The following SUFU variants were observed in gnomAD, a reference collection of about 807,000 sequenced individuals.
The protein encoded by SUFU is suppressor of fused homolog.
SUFU carries 7 observed loss-of-function variants against 58.9 expected under a neutral mutation model. The ratio of observed to expected loss-of-function variants is 0.12; its 90% confidence interval spans 0.07 to 0.22. The LOEUF (loss-of-function observed/expected upper bound fraction) is 0.22, where lower values mean the gene tolerates loss of function less well. Among genes scored for constraint, SUFU ranks in the 10% least tolerant of loss-of-function variants. The pLI is 1.00. For synonymous variants in SUFU, 232 were observed against 254.8 expected, an observed-to-expected ratio of 0.91 and a Z score of 0.85; for missense variants, 451 against 641.3, an observed-to-expected ratio of 0.70 and a Z score of 3.20.
chr10:102,508,301 G>A (rs974984816), intron 1 of SUFU, among the ~76,000 whole-genome samples: 6 of 152,096 alleles, frequency 3.9e-5, no homozygotes, highest in African/African-American at 1.4e-4. Flanking sequence ...AAAAAGCACT[G>A]ATTACTAAAG....
intron 8 of SUFU, among the ~76,000 whole-genome samples, chr10:102,604,445 C>T (rs1018064515): frequency 6.6e-6 from 1 of 152,228 alleles, no homozygotes; most frequent in African/African-American, 2.4e-5. Flanking sequence ...AAGTCACGGC[C>T]ATTGTTAACA....
chr10:102,508,322 T>C (rs114400106), intron 1 of SUFU, among the ~76,000 whole-genome samples: 1 of 152,282 alleles, frequency 6.6e-6, no homozygotes, highest in African/African-American at 2.4e-5. Context: ...GGAACTCTTA[T>C]TGTATTAAAT....
At chr10:102,505,887 TTGTTGTCA>T (rs1455632842) in intron 1 of SUFU, among the ~76,000 whole-genome samples, 1 of 151,986 alleles carries the variant, frequency 6.6e-6, no homozygotes, top group Non-Finnish European at 1.5e-5. Context: ...TGTGATGAAC[TTGTTGTCA>T]TGTGTCAGGA....
At chr10:102,595,512 CCT>C (rs1462816575) in intron 6 of SUFU, among the ~76,000 whole-genome samples, 2 of 152,176 alleles carry the variant, frequency 1.3e-5, no homozygotes, top group Non-Finnish European at 2.9e-5. Context: ...TTGTTTGGCC[CCT>C]GTCATAAGTG....
At chr10:102,546,285 T>C (rs1590015781) in intron 2 of SUFU, among the ~76,000 whole-genome samples, 3 of 152,188 alleles carry the variant, frequency 2.0e-5, no homozygotes, top group East Asian at 3.9e-4. Context: ...GAGAGTCTTA[T>C]CTCATCCTTC....
chr10:102,610,603 A>T (rs976626912), intron 8 of SUFU, among the ~76,000 whole-genome samples: 1 of 152,152 alleles, frequency 6.6e-6, no homozygotes, highest in East Asian at 1.9e-4. Flanking sequence ...TTGGATGAGC[A>T]TACCCAAAGA....
chr10:102,619,364 C>T lies in SUFU; in HGVS notation c.1296+1936C>T. 7.1e-7 allele frequency: 1 copy of T among 1,415,488 alleles called. No individual in the cohort carries two copies. The allele number at this position is 1,415,488 out of a possible 1,614,324, so 87.7% of individuals were successfully genotyped here. Reference sequence around the variant, plus strand: ...ACCCGCTGGCTCCCCAGCACATGGTCCCCTCCCATGGGCTGTTGCCCAGGG... The same window carrying T: ...ACCCGCTGGCTCCCCAGCACATGGTTCCCTCCCATGGGCTGTTGCCCAGGG... On this transcript the variant is annotated intron_variant, in intron 10 of 11. Coordinates refer to ENST00000369902, the MANE Select transcript of SUFU (RefSeq NM_016169.4). This position sits in a 1 kb window ranked among gnomAD's most constrained non-coding sequence, Gnocchi z 4.2.
chr10:102,605,535 T>C (rs1325571434), intron 8 of SUFU, among the ~76,000 whole-genome samples: 1 of 152,206 alleles, frequency 6.6e-6, no homozygotes, highest in East Asian at 1.9e-4. Context: ...CATTTGGTTA[T>C]TGGTGTTTAC....
intron 2 of SUFU, among the ~76,000 whole-genome samples, chr10:102,538,789 G>C (rs758992555): frequency 3.3e-5 from 5 of 152,164 alleles, no homozygotes; most frequent in Admixed American, 6.6e-5. Context: ...ATGTAGATAA[G>C]AAGAGAAGTA....
intron 8 of SUFU, among the ~76,000 whole-genome samples, chr10:102,611,742 T>G (rs1341897012): frequency 6.6e-6 from 1 of 152,238 alleles, no homozygotes; most frequent in African/African-American, 2.4e-5. Flanking sequence ...AATGACCTAT[T>G]GTTATTTATT....
At chr10:102,584,924 A>G (rs1300768188) in intron 3 of SUFU, among the ~76,000 whole-genome samples, 1 of 152,166 alleles carries the variant, frequency 6.6e-6, no homozygotes, top group African/African-American at 2.4e-5. Context: ...TCCTTTTCTC[A>G]TTTGTAGAAA....
intron 2 of SUFU, among the ~76,000 whole-genome samples, chr10:102,541,143 C>A (rs1238762978): frequency 6.6e-6 from 1 of 152,032 alleles, no homozygotes; most frequent in Admixed American, 6.6e-5. Context: ...CATTTTCTCC[C>A]TCCTCATTGA....
In SUFU at chr10:102,619,359, A is replaced by G. The variant is rs1358592767; in HGVS notation, c.1296+1931A>G. 1.1e-5 allele frequency: 15 copies of G among 1,415,302 alleles called. No individual in the cohort carries two copies. Among genetic ancestry groups the G allele is most frequent in the Non-Finnish European group, 1.4e-5 (15 of 1,086,804 alleles). 87.7% of individuals were successfully genotyped at this position (1,415,302 alleles called of 1,614,324 possible). A position where few individuals can be genotyped will look rare whatever the true frequency, so the allele number is the denominator to read the frequency against. ...CCAGCACCCGCTGGCTCCCCAGCAC[A>G]TGGTCCCCTCCCATGGGCTGTTGCC... is the stretch of plus-strand genomic sequence containing the variant. On this transcript the variant is annotated intron_variant, in intron 10 of 11. Transcript: ENST00000369902. This position sits in a 1 kb window ranked among gnomAD's most constrained non-coding sequence, Gnocchi z 4.2.
chr10:102,555,573 G>C (rs1007680295), intron 3 of SUFU, among the ~76,000 whole-genome samples: 1 of 152,202 alleles, frequency 6.6e-6, no homozygotes, highest in African/African-American at 2.4e-5. Flanking sequence ...GATTTATGTA[G>C]TTGCCTGTGA....
rs1386504573 is a variant in SUFU, at chr10:102,629,850, T to G, written c.1366-216T>G. Among the ~76,000 whole-genome samples, 2 of 152,102 alleles carry G rather than the reference T, an allele frequency of 1.3e-5. No individual in the cohort carries two copies. Among genetic ancestry groups the G allele is most frequent in the Non-Finnish European group, 2.9e-5 (2 of 68,012 alleles). On this transcript the variant is annotated intron_variant, in intron 11 of 11. Coordinates refer to ENST00000369902, the MANE Select transcript of SUFU (RefSeq NM_016169.4). The surrounding 1 kb of genome is among the most constrained non-coding windows in gnomAD (Gnocchi z 4.7). Reference sequence around the variant, plus strand: ...AGAAAACGCCCTCCTCCAACCTGCCTCATTATTGACAGGCCGTGGGGAAAG... The same window carrying G: ...AGAAAACGCCCTCCTCCAACCTGCCGCATTATTGACAGGCCGTGGGGAAAG...
intron 3 of SUFU, among the ~76,000 whole-genome samples, chr10:102,587,484 C>T (rs867306732): frequency 6.6e-6 from 1 of 152,080 alleles, no homozygotes; most frequent in Non-Finnish European, 1.5e-5. Context: ...GTATTGTTTA[C>T]AGCACAAACA....
At chr10:102,555,045 A>G (rs1046795867) in intron 3 of SUFU, among the ~76,000 whole-genome samples, 16 of 152,040 alleles carry the variant, frequency 1.1e-4, no homozygotes, top group South Asian at 4.1e-4. Context: ...GAGGCGGGCG[A>G]ATCACAAGGT....
At chr10:102,572,018 A>G (rs918723011) in intron 3 of SUFU, among the ~76,000 whole-genome samples, 4 of 152,130 alleles carry the variant, frequency 2.6e-5, no homozygotes, top group African/African-American at 7.2e-5. Context: ...GTAGGGGTAC[A>G]GTTCCCTTTT....
Position 102,630,292 on chromosome 10 carries a change from C to A in SUFU, c.*137C>A. On this transcript the variant is annotated 3_prime_UTR_variant, in exon 12 of 12. Coordinates refer to ENST00000369902, the MANE Select transcript of SUFU (RefSeq NM_016169.4). ...AGACTGCGCAGTGCCACCCCGCAGCCCAGTGGGGTGCCATGCACAGGCCAC... is the reference window on the plus strand; with the variant it reads ...AGACTGCGCAGTGCCACCCCGCAGCACAGTGGGGTGCCATGCACAGGCCAC... 1.3e-6 allele frequency: 1 copy of A among 795,132 alleles called. No individual in the cohort carries two copies. Among genetic ancestry groups the A allele is most frequent in the Non-Finnish European group, 2.1e-6 (1 of 475,778 alleles). The allele number at this position is 795,132 out of a possible 1,614,324, so 49.3% of individuals were successfully genotyped here.
Sources: allele counts gnomAD v4.1 joint callset (sites outside exome capture counted in the v4.1 genomes callset), GRCh38; gene constraint gnomAD v4.1.1; non-coding constraint Gnocchi (gnomAD v3.1); transcripts MANE v1.5; gene names NCBI Gene and HGNC (gene_info 2026-07-23, HGNC 2026-07-21).